The following HERC1 variants were observed in gnomAD, a reference collection of about 807,000 sequenced individuals.
HERC1 encodes the protein HECT and RLD domain containing E3 ubiquitin protein ligase family member 1.
Under a neutral mutation model 554.3 loss-of-function variants are expected in HERC1, and 160 were observed. The observed-to-expected ratio is 0.29, with a 90% confidence interval of 0.25 to 0.33. HERC1 has a LOEUF of 0.33. Ranked by LOEUF, HERC1 falls within the 10% of genes least tolerant of loss-of-function variation. The pLI is 1.00. For synonymous variants in HERC1, 2,175 were observed against 2,131.7 expected, an observed-to-expected ratio of 1.02 and a Z score of -0.56; for missense variants, 4,919 against 5,918.5, an observed-to-expected ratio of 0.83 and a Z score of 5.54.
Position 63,718,083 on chromosome 15 carries a change from G to GACACACACACACAC in HERC1, c.3978+477_3978+490dup, listed in dbSNP as rs34069674. On this transcript the variant is annotated intron_variant, in intron 21 of 77. Transcript: ENST00000443617. The surrounding 1 kb of genome is among the most constrained non-coding windows in gnomAD (Gnocchi z 4.2). ...AGTATTTTTAAGGCAGCTATTATGT[G>GACACACACACACAC]ACACACACACACACACACACACACA... 4.0e-5 allele frequency among the ~76,000 whole-genome samples: 3 copies of GACACACACACACAC among 75,624 alleles called. No individual in the cohort carries two copies. The highest frequency in any genetic ancestry group is 9.5e-5 in the Non-Finnish European group (3 of 31,500). 49.6% of individuals were successfully genotyped at this position (75,624 alleles called of 152,430 possible). A position where few individuals can be genotyped will look rare whatever the true frequency, so the allele number is the denominator to read the frequency against.
chr15:63,733,208 G>T, intron 13 of HERC1, 63 bp from the exon 14 acceptor site: 2 of 1,090,114 alleles, frequency 1.8e-6, no homozygotes, highest in Non-Finnish European at 2.8e-6. Context: ...GAACACAAAA[G>T]GATCCCAGAA....
chr15:63,628,826 A>T lies in HERC1; in HGVS notation c.12967-11T>A, dbSNP rs760634440. The T allele has an allele frequency of 1.9e-6, 3 of 1,610,688 alleles. No individual in the cohort carries two copies. The African/African-American group carries it at 4.0e-5, about 22-fold the overall frequency. On this transcript the variant is annotated splice_polypyrimidine_tract_variant and intron_variant, in intron 69 of 77. Coordinates refer to ENST00000443617, the MANE Select transcript of HERC1 (RefSeq NM_003922.4). ...ATGGCCTAAGCCGAGCTGGGAATAA[A>T]TCACAAATATACAGACATTCAATTA...
chr15:63,760,797 T>G (rs1028916154), intron 3 of HERC1, among the ~76,000 whole-genome samples: 1 of 151,964 alleles, frequency 6.6e-6, no homozygotes, highest in African/African-American at 2.4e-5. Context: ...TTTCCTGAAA[T>G]AAAAAAGATT....
chr15:63,778,798 A>G (rs1035463480), intron 1 of HERC1, among the ~76,000 whole-genome samples: 6 of 152,220 alleles, frequency 3.9e-5, no homozygotes. Flanking sequence ...ACATTTATCA[A>G]TTGAGGGAAA....
chr15:63,645,163 T>C (rs2069269340), intron 56 of HERC1, 66 bp from the exon 57 acceptor site: 3 of 1,142,814 alleles, frequency 2.6e-6, no homozygotes, highest in South Asian at 1.2e-5. Flanking sequence ...TATTTCCGAA[T>C]TGCAATCAAT....
chr15:63,668,256 A>T (rs2070739250), intron 40 of HERC1, among the ~76,000 whole-genome samples: 1 of 152,100 alleles, frequency 6.6e-6, no homozygotes, highest in Non-Finnish European at 1.5e-5. Context: ...AGATTGGATT[A>T]AAAAAAGCAA....
At chr15:63,697,280 C>T (rs976334894) in intron 26 of HERC1, among the ~76,000 whole-genome samples, 8 of 151,790 alleles carry the variant, frequency 5.3e-5, no homozygotes, top group South Asian at 2.1e-4. Context: ...TTTTTCATGA[C>T]GACACTTCGG....
At chr15:63,654,052 T>TGAGAA in intron 51 of HERC1, 67 bp downstream of exon 51, 1 of 1,286,228 alleles carries the variant, frequency 7.8e-7, no homozygotes, top group South Asian at 1.2e-5. Context: ...TTGAGCTCCT[T>TGAGAA]GAGAAGAGAA....
chr15:63,683,141 AAAAAAAAAAAAAAG>A (rs1048983969), intron 34 of HERC1, among the ~76,000 whole-genome samples: 6 of 151,560 alleles, frequency 4.0e-5, no homozygotes, highest in Admixed American at 2.6e-4. Context: ...GTCTCAAAAA[AAAAAAAAAAAAAAG>A]AAAGAAAAAA....
chr15:63,671,080 G>A (rs1173294541), intron 39 of HERC1, among the ~76,000 whole-genome samples: 3 of 151,694 alleles, frequency 2.0e-5, no homozygotes, highest in South Asian at 4.2e-4. Context: ...GCACATGCCT[G>A]TAATCCCAAC....
chr15:63,770,983 G>GT (rs1419594914), intron 2 of HERC1, among the ~76,000 whole-genome samples: 62 of 152,278 alleles, frequency 4.1e-4, no homozygotes, highest in African/African-American at 1.2e-3. Context: ...GAGGTTAGGA[G>GT]TTCGAGACCA....
In HERC1 at chr15:63,756,053, T is replaced by C. The variant is rs2075411492; in HGVS notation, c.1533+384A>G. Among the ~76,000 whole-genome samples the C allele has an allele frequency of 6.6e-6, 1 of 152,198 alleles. No individual in the cohort carries two copies. Among genetic ancestry groups the C allele is most frequent in the Non-Finnish European group, 1.5e-5 (1 of 68,042 alleles). On this transcript the variant is annotated intron_variant, in intron 5 of 77. Transcript: ENST00000443617. The surrounding 1 kb of genome is among the most constrained non-coding windows in gnomAD (Gnocchi z 5.0). ...TATTATCTGAAATTATTCTATATGCTTGTTAACTTATTATCTCTATCCTGA... is the reference window on the plus strand; with the variant it reads ...TATTATCTGAAATTATTCTATATGCCTGTTAACTTATTATCTCTATCCTGA...
chr15:63,644,073 T>G (rs1383193580), intron 57 of HERC1, among the ~76,000 whole-genome samples: 1 of 152,348 alleles, frequency 6.6e-6, no homozygotes, highest in African/African-American at 2.4e-5. Context: ...AAACCAGACC[T>G]ATCTGTAGTA....
chr15:63,773,898 T>C (rs1252106626), intron 2 of HERC1, among the ~76,000 whole-genome samples: 1 of 152,220 alleles, frequency 6.6e-6, no homozygotes, highest in African/African-American at 2.4e-5. Context: ...CAAAGGTATA[T>C]TTCAGTCTTA....
In HERC1 at chr15:63,807,488, T is replaced by G. The variant is rs554837481; in HGVS notation, c.-27+26339A>C. Among the ~76,000 whole-genome samples, 24 of 152,262 alleles carry G rather than the reference T, an allele frequency of 1.6e-4. No individual in the cohort carries two copies. The South Asian group carries it at 4.8e-3, about 30-fold the overall frequency. On this transcript the variant is annotated intron_variant, in intron 1 of 77. Coordinates refer to ENST00000443617, the MANE Select transcript of HERC1 (RefSeq NM_003922.4). ...GTTCCTCTTCTTTTCCCCTCAGACT[T>G]AAAAGTGTACTAATGGCTTCCCAAT...
chr15:63,772,433 C>T (rs1262245007), intron 2 of HERC1, among the ~76,000 whole-genome samples: 2 of 151,238 alleles, frequency 1.3e-5, no homozygotes, highest in Non-Finnish European at 2.9e-5. Context: ...ATAAATAGCC[C>T]GTAAAATGAG....
intron 8 of HERC1, among the ~76,000 whole-genome samples, chr15:63,751,075 G>A (rs890669754): frequency 6.6e-6 from 1 of 152,178 alleles, no homozygotes; most frequent in African/African-American, 2.4e-5. Flanking sequence ...GTGAAATAAT[G>A]TATACTCAAA....
rs2076097529 is a variant in HERC1, at chr15:63,775,866, C to T, written c.-26-217G>A. On this transcript the variant is annotated intron_variant, in intron 1 of 77. Coordinates refer to ENST00000443617, the MANE Select transcript of HERC1 (RefSeq NM_003922.4). This position sits in a 1 kb window ranked among gnomAD's most constrained non-coding sequence, Gnocchi z 4.0. ...GAGCCTGGCCAACATTATGAAACCC[C>T]ATCTCTACTAAAAATACAAAAATTA... 6.6e-6 allele frequency among the ~76,000 whole-genome samples: 1 copy of T among 151,912 alleles called. No individual in the cohort carries two copies.
chr15:63,750,615 A>G (rs149419636), intron 8 of HERC1, among the ~76,000 whole-genome samples: 4 of 152,290 alleles, frequency 2.6e-5, no homozygotes, highest in African/African-American at 9.6e-5. Flanking sequence ...TGCTGCTGAG[A>G]GATTAAACCA....
Sources: allele counts gnomAD v4.1 joint callset (sites outside exome capture counted in the v4.1 genomes callset), GRCh38; gene constraint gnomAD v4.1.1; non-coding constraint Gnocchi (gnomAD v3.1); transcripts MANE v1.5; gene names NCBI Gene and HGNC (gene_info 2026-07-23, HGNC 2026-07-21).